PTPRN2: variants seen among roughly 807,000 people sequenced by gnomAD.
The protein encoded by PTPRN2 is receptor-type tyrosine-protein phosphatase N2.
In PTPRN2, 74 loss-of-function variants were observed where a neutral mutation model predicts 118.8. That is an observed-to-expected ratio of 0.62 (90% CI 0.52 to 0.76). The LOEUF (loss-of-function observed/expected upper bound fraction) is 0.76, where lower values mean the gene tolerates loss of function less well. Among genes scored for constraint, PTPRN2 ranks in the 30% least tolerant of loss-of-function variants. PTPRN2 has a pLI of 0.00. For synonymous variants in PTPRN2, 641 were observed against 608.0 expected (o/e 1.05, Z -0.80); for missense variants, 1,481 against 1,394.4 (o/e 1.06, Z -0.99).
chr7:158,443,178 C>G (rs542635167), intron 2 of PTPRN2, among the ~76,000 whole-genome samples: 1 of 152,162 alleles, frequency 6.6e-6, no homozygotes, highest in Admixed American at 6.5e-5. Flanking sequence ...GCGAGCGGGT[C>G]TTTGTGGGCA....
chr7:157,778,132 T>A (rs1445469510), intron 12 of PTPRN2, among the ~76,000 whole-genome samples: 1 of 152,150 alleles, frequency 6.6e-6, no homozygotes, highest in African/African-American at 2.4e-5. Flanking sequence ...ACACACAGAC[T>A]CCCTGTTTTC....
At chr7:158,047,268 G>C (rs932149677) in intron 11 of PTPRN2, among the ~76,000 whole-genome samples, 3 of 152,230 alleles carry the variant, frequency 2.0e-5, no homozygotes, top group African/African-American at 7.2e-5. Flanking sequence ...GGAGCCCATG[G>C]GCCATGCAGA....
intron 11 of PTPRN2, among the ~76,000 whole-genome samples, chr7:157,938,890 T>C (rs934942954): frequency 5.3e-5 from 8 of 152,212 alleles, no homozygotes; most frequent in Non-Finnish European, 1.0e-4. Flanking sequence ...GGTGTCAAGA[T>C]GCTCATATCA....
chr7:158,441,108 A>G (rs951734608), intron 2 of PTPRN2, among the ~76,000 whole-genome samples: 25 of 141,602 alleles, frequency 1.8e-4, no homozygotes, highest in Non-Finnish European at 2.9e-4. Context: ...GGTGGTAGTG[A>G]TGGTGATGGT....
At chr7:158,068,018 G>A (rs956265609) in intron 11 of PTPRN2, among the ~76,000 whole-genome samples, 2 of 152,190 alleles carry the variant, frequency 1.3e-5, no homozygotes, top group African/African-American at 4.8e-5. Context: ...GCTGGGAGAT[G>A]GCAGGACCGG....
intron 12 of PTPRN2, among the ~76,000 whole-genome samples, chr7:157,727,695 G>A (rs1042820983): frequency 2.0e-5 from 3 of 152,214 alleles, no homozygotes; most frequent in African/African-American, 4.8e-5. Context: ...GTTTTGTGTC[G>A]TTTACGTAAC....
chr7:157,658,864 T>C (rs939981687), intron 13 of PTPRN2, among the ~76,000 whole-genome samples: 4 of 152,190 alleles, frequency 2.6e-5, no homozygotes, highest in African/African-American at 2.4e-5. Flanking sequence ...GGGCTGCTGC[T>C]GCCTTGGTTT....
chr7:158,136,685 C>A lies in PTPRN2; in HGVS notation c.1143G>T (p.Val381=). The A allele has an allele frequency of 6.2e-7, 1 of 1,613,864 alleles. No homozygotes were observed. The highest frequency in any genetic ancestry group is 2.2e-5 in the East Asian group (1 of 44,882). Reference sequence around the variant, plus strand: ...GGTAAAGTCTATCATCGTCGTCCTGCACTCCGTCATCTGTAAAAGACACCA... The same window carrying A: ...GGTAAAGTCTATCATCGTCGTCCTGAACTCCGTCATCTGTAAAAGACACCA... The part of the protein sequence containing the change: ...LRGDSFPDDG[V]QDDDDRLYQE... The change falls in exon 8 of 23, where the codon GTG becomes GTT. Residue 381 remains valine, a synonymous_variant. Coordinates refer to ENST00000389418, the MANE Select transcript of PTPRN2 (RefSeq NM_002847.5).
At chr7:158,083,297 T>C (rs1187125869) in intron 10 of PTPRN2, among the ~76,000 whole-genome samples, 2 of 152,160 alleles carry the variant, frequency 1.3e-5, no homozygotes, top group African/African-American at 2.4e-5. Context: ...TTTGGTTGAA[T>C]GGTTTTCTAA....
intron 16 of PTPRN2, among the ~76,000 whole-genome samples, chr7:157,602,789 G>A (rs1000524963): frequency 4.6e-5 from 7 of 152,218 alleles, no homozygotes; most frequent in Non-Finnish European, 7.3e-5. Flanking sequence ...ATCAGTGGCC[G>A]TGGCCTGCAG....
chr7:158,490,109 T>C (rs1821336541), intron 1 of PTPRN2, among the ~76,000 whole-genome samples: 1 of 152,054 alleles, frequency 6.6e-6, no homozygotes, highest in Non-Finnish European at 1.5e-5. Flanking sequence ...GGGCCTCCCC[T>C]TGAGGCCTCC....
At chr7:157,852,348 C>T (rs1809338205) in intron 12 of PTPRN2, among the ~76,000 whole-genome samples, 1 of 152,102 alleles carries the variant, frequency 6.6e-6, no homozygotes, top group Non-Finnish European at 1.5e-5. Flanking sequence ...AGGTTCACTT[C>T]CATGGAAATA....
intron 2 of PTPRN2, among the ~76,000 whole-genome samples, chr7:158,383,011 G>A (rs1811075311): frequency 6.6e-6 from 1 of 152,112 alleles, no homozygotes; most frequent in Non-Finnish European, 1.5e-5. Flanking sequence ...AAAGGTTGGG[G>A]ACCACTGTCT....
Position 157,591,382 on chromosome 7 carries a change from C to T in PTPRN2, c.2496+3856G>A, listed in dbSNP as rs1563240708. Among the ~76,000 whole-genome samples the T allele has an allele frequency of 6.6e-6, 1 of 152,334 alleles. No individual in the cohort carries two copies. The highest frequency in any genetic ancestry group is 1.9e-4 in the East Asian group (1 of 5,186). ...GAAGGTGCTTTGGGATGATCCATAA[C>T]CTTCAGTCTGTGTCCCGATCCTTGG... On this transcript the variant is annotated intron_variant, in intron 17 of 22. Coordinates refer to ENST00000389418, the MANE Select transcript of PTPRN2 (RefSeq NM_002847.5). The surrounding 1 kb of genome is among the most constrained non-coding windows in gnomAD (Gnocchi z 4.4).
intron 14 of PTPRN2, among the ~76,000 whole-genome samples, chr7:157,625,353 G>C (rs1803501275): frequency 6.6e-6 from 1 of 152,136 alleles, no homozygotes; most frequent in Non-Finnish European, 1.5e-5. Flanking sequence ...ATCAATGAGA[G>C]GATAAGGAAA....
chr7:158,561,363 G>A (rs1827374537), intron 1 of PTPRN2, among the ~76,000 whole-genome samples: 1 of 152,130 alleles, frequency 6.6e-6, no homozygotes, highest in African/African-American at 2.4e-5. Context: ...GCTCTTCGGG[G>A]GTGTGGGGCT....
intron 1 of PTPRN2, among the ~76,000 whole-genome samples, chr7:158,569,686 C>T (rs1200089204): frequency 6.7e-6 from 1 of 150,044 alleles, no homozygotes; most frequent in Admixed American, 6.6e-5. Flanking sequence ...GAACGCGGGG[C>T]GCGAGGCCGC....
chr7:157,926,438 A>G (rs141113807), intron 11 of PTPRN2, among the ~76,000 whole-genome samples: 18 of 152,374 alleles, frequency 1.2e-4, no homozygotes, highest in Non-Finnish European at 2.4e-4. Context: ...GAAGTTTCAA[A>G]TGCATCTCAT....
At position 157,595,512 on chromosome 7, in the gene PTPRN2, GAGGTTAGGAAGCCAGA is replaced by G. The variant is rs1321032666; in HGVS notation, c.2419-213_2419-198del. 7.5e-4 allele frequency among the ~76,000 whole-genome samples: 87 copies of G among 115,262 alleles called. 15 individuals are homozygous for G. The highest frequency in any genetic ancestry group is 3.2e-3 in the African/African-American group (80 of 25,384). The allele number at this position is 115,262 out of a possible 152,430, so 75.6% of individuals were successfully genotyped here. On this transcript the variant is annotated intron_variant, in intron 16 of 22. Coordinates refer to ENST00000389418, the MANE Select transcript of PTPRN2 (RefSeq NM_002847.5). ...GGAAGCCTGGTGTTTAGGAAGCCCG[GAGGTTAGGAAGCCAGA>G]AGGTTAGGAAGCCAGGAGGTTAGGA...
Sources: gnomAD v4.1 joint callset for allele counts (sites outside exome capture counted in the v4.1 genomes callset) on GRCh38, gnomAD v4.1.1 for gene constraint, Gnocchi (gnomAD v3.1) non-coding constraint, MANE v1.5 for transcripts, NCBI Gene and HGNC (gene_info 2026-07-23, HGNC 2026-07-21) for gene names.